XKR7: variants seen among roughly 807,000 people sequenced by gnomAD.
The protein encoded by XKR7 is XK related 7.
XKR7 carries 11 observed loss-of-function variants against 42.2 expected under a neutral mutation model. The ratio of observed to expected loss-of-function variants is 0.26; its 90% CI spans 0.16 to 0.43. XKR7 has a LOEUF of 0.43. Among genes scored for constraint, XKR7 ranks in the 20% least tolerant of loss-of-function variants. The pLI is 1.00. For synonymous variants in XKR7, 346 were observed against 366.4 expected (o/e 0.94, Z 0.64); for missense variants, 710 against 802.2 (o/e 0.89, Z 1.39).
intron 1 of XKR7, among the ~76,000 whole-genome samples, chr20:31,971,109 G>A (rs2064463359): frequency 6.6e-6 from 1 of 152,224 alleles, no homozygotes; most frequent in Non-Finnish European, 1.5e-5. Flanking sequence ...CAGTATGATA[G>A]AAAGTCAGGG....
rs542151076 is a variant in XKR7 at position 31,968,384 on chromosome 20, A to G, written c.209A>G (p.Asp70Gly). 5.6e-6 allele frequency: 9 copies of G among 1,613,068 alleles called. No individual in the cohort carries two copies. In the South Asian group the frequency reaches 8.8e-5, roughly 16 times the overall value. The change falls in exon 1 of 3, where the codon GAC becomes GGC. Residue 70 changes from aspartate (D) to glycine (G), a missense_variant. Physicochemically the swap from Asp to Gly is moderately conservative, Grantham distance 94 (BLOSUM62 -1). Around this residue, in one of 2 missense-constraint regions of XKR7, gnomAD observed 708 missense variants for 786.2 expected, o/e 0.90. Transcript: ENST00000562532. The surrounding 1 kb of genome is among the most constrained non-coding windows in gnomAD (Gnocchi z 4.5). ...TGCGCGCTGCTCGTGTTCTTCTCCG[A>G]CGGTGCCACGGACCTGTGGCTGGCG... ...VLCALLVFFS[D>G]GATDLWLAAS...
At chr20:31,989,666 T>C (rs2122273497) in intron 1 of XKR7, among the ~76,000 whole-genome samples, 1 of 152,134 alleles carries the variant, frequency 6.6e-6, no homozygotes, top group African/African-American at 2.4e-5. Context: ...CAGGCTGGAG[T>C]GCAGTGGTGC....
rs1275014376 is a variant in XKR7 at position 31,999,756 on chromosome 20, A to AC, written c.*2302dup. On this transcript the variant is annotated 3_prime_UTR_variant, in exon 3 of 3. Coordinates refer to ENST00000562532, the MANE Select transcript of XKR7 (RefSeq NM_001011718.2). The stretch of plus-strand genomic sequence containing the variant: ...CGTCCCTGCAAGAGAGGTATTATCA[A>AC]CCCATCTTACAGACGAGGAAACTGA... The AC allele has an allele frequency of 4.0e-5, 6 of 151,886 alleles. No individual in the cohort carries two copies. The highest frequency in any genetic ancestry group is 1.5e-4 in the African/African-American group (6 of 41,344). The allele number at this position is 151,886 out of a possible 1,614,324, so 9.4% of individuals were successfully genotyped here.
At chr20:31,984,327 G>C (rs564219883) in intron 1 of XKR7, among the ~76,000 whole-genome samples, 1 of 152,182 alleles carries the variant, frequency 6.6e-6, no homozygotes, top group South Asian at 2.1e-4. Flanking sequence ...TCCCCCTGCT[G>C]TTGTGTGAAG....
At chr20:31,974,693 C>T (rs1269384514) in intron 1 of XKR7, among the ~76,000 whole-genome samples, 1 of 152,100 alleles carries the variant, frequency 6.6e-6, no homozygotes, top group Non-Finnish European at 1.5e-5. Context: ...GTTTTATAGC[C>T]CTGTCTCCAT....
In XKR7 at chr20:31,995,020, C is replaced by A. The variant is rs767383373; in HGVS notation, c.585-48C>A. On this transcript the variant is annotated intron_variant, in intron 1 of 2. Coordinates refer to ENST00000562532, the MANE Select transcript of XKR7 (RefSeq NM_001011718.2). This position sits in a 1 kb window ranked among gnomAD's most constrained non-coding sequence, Gnocchi z 4.1. The stretch of plus-strand genomic sequence containing the variant: ...GCGGCTCGGGGCTGGTGCGACAGAG[C>A]GAGAGGAACCAGCGCGCGGGAGCCT... The A allele has an allele frequency of 9.8e-5, 150 of 1,537,436 alleles. 1 individual carries two copies. Among genetic ancestry groups the A allele is most frequent in the Admixed American group, 9.0e-4 (45 of 50,104 alleles).
intron 1 of XKR7, among the ~76,000 whole-genome samples, chr20:31,974,211 AAG>A (rs1322762319): frequency 2.0e-5 from 3 of 152,022 alleles, no homozygotes; most frequent in South Asian, 2.1e-4. Context: ...AAGCATAAAA[AAG>A]AGAGAGAATA....
At chr20:31,992,454 G>T (rs962872256) in intron 1 of XKR7, among the ~76,000 whole-genome samples, 1 of 152,168 alleles carries the variant, frequency 6.6e-6, no homozygotes, top group African/African-American at 2.4e-5. Flanking sequence ...CCTGGGGAGC[G>T]TGTGAGCAGT....
intron 1 of XKR7, among the ~76,000 whole-genome samples, chr20:31,984,688 G>C (rs922697846): frequency 6.6e-5 from 10 of 152,202 alleles, no homozygotes; most frequent in Non-Finnish European, 2.9e-5. Context: ...AGTGAAACCT[G>C]AGGTCCATTG....
rs2064451425 is a variant in XKR7, at chr20:31,968,982, C to T, written c.584+223C>T. On this transcript the variant is annotated intron_variant, in intron 1 of 2. Transcript: ENST00000562532. This position sits in a 1 kb window ranked among gnomAD's most constrained non-coding sequence, Gnocchi z 4.5. ...GTGCCATCCGGTCTGACCTGGCCTT[C>T]GAGAGGGGAGGGGATGGTTCAAGAA... 6.6e-6 allele frequency among the ~76,000 whole-genome samples: 1 copy of T among 151,998 alleles called. No individual in the cohort carries two copies. The highest frequency in any genetic ancestry group is 1.5e-5 in the Non-Finnish European group (1 of 67,974).
rs761609991 is a variant in XKR7 at position 31,998,086 on chromosome 20, G to C, written c.*629G>C. ...AGATGGATAGGAGAAAGAACTGGGG[G>C]GGGGGTCTAGGCTGGCAGAAGCATG... On this transcript the variant is annotated 3_prime_UTR_variant, in exon 3 of 3. Coordinates refer to ENST00000562532, the MANE Select transcript of XKR7 (RefSeq NM_001011718.2). 7.5e-6 allele frequency: 1 copy of C among 133,850 alleles called. No individual in the cohort carries two copies. The highest frequency in any genetic ancestry group is 1.6e-5 in the Non-Finnish European group (1 of 62,038). 8.3% of individuals were successfully genotyped at this position (133,850 alleles called of 1,614,324 possible). A position where few individuals can be genotyped will look rare whatever the true frequency, so the allele number is the denominator to read the frequency against.
In XKR7 at chr20:31,992,820, T is replaced by C. The variant is rs111369201; in HGVS notation, c.585-2248T>C. Among the ~76,000 whole-genome samples the C allele has an allele frequency of 5.4e-3, 829 of 152,218 alleles. 5 individuals are homozygous for C. Among genetic ancestry groups the C allele is most frequent in the South Asian group, 9.1e-3 (44 of 4,818 alleles). On this transcript the variant is annotated intron_variant, in intron 1 of 2. Coordinates refer to ENST00000562532, the MANE Select transcript of XKR7 (RefSeq NM_001011718.2). Reference sequence around the variant, plus strand: ...AGAGTCATCAAACTCATCCCTTTCATTGGCAGATGGAGAAACTGAGGCTTT... The same window carrying C: ...AGAGTCATCAAACTCATCCCTTTCACTGGCAGATGGAGAAACTGAGGCTTT...
rs540498484 is a variant in XKR7 at position 31,991,956 on chromosome 20, A to G, written c.585-3112A>G. On this transcript the variant is annotated intron_variant, in intron 1 of 2. Coordinates refer to ENST00000562532, the MANE Select transcript of XKR7 (RefSeq NM_001011718.2). Reference sequence around the variant, plus strand: ...AACATGGAGAAACCCCGTCTCTACTAAAAATACAAAATTAGCCAGGCATGA... The same window carrying G: ...AACATGGAGAAACCCCGTCTCTACTGAAAATACAAAATTAGCCAGGCATGA... Among the ~76,000 whole-genome samples the G allele has an allele frequency of 8.3e-4, 127 of 152,208 alleles. 1 individual carries two copies. Among genetic ancestry groups the G allele is most frequent in the Admixed American group, 1.3e-3 (20 of 15,292 alleles).
At chr20:31,974,115 C>A in intron 1 of XKR7, among the ~76,000 whole-genome samples, 1 of 152,118 alleles carries the variant, frequency 6.6e-6, no homozygotes, top group Admixed American at 6.5e-5. Context: ...ATCGCTTGAA[C>A]CTGGCAGGTG....
chr20:31,974,352 G>A (rs2064476659), intron 1 of XKR7, among the ~76,000 whole-genome samples: 1 of 152,122 alleles, frequency 6.6e-6, no homozygotes, highest in South Asian at 2.1e-4. Flanking sequence ...CTGAGCTAAT[G>A]CGACCTCTTT....
chr20:31,996,815 C>T lies in XKR7; in HGVS notation c.1098C>T (p.Ile366=). 6.2e-7 allele frequency: 1 copy of T among 1,613,862 alleles called. No individual in the cohort carries two copies. Among genetic ancestry groups the T allele is most frequent in the Non-Finnish European group, 8.5e-7 (1 of 1,179,978 alleles). ...EEIIYNMVVG[I]IYIFCWFNVK... is the part of the protein sequence containing the mutation. ...TCATCTACAACATGGTCGTGGGCAT[C>T]ATCTACATCTTCTGCTGGTTCAACG... Residue 366 remains isoleucine (I), a synonymous_variant, in exon 3 of 3, where the codon ATC becomes ATT. Coordinates refer to ENST00000562532, the MANE Select transcript of XKR7 (RefSeq NM_001011718.2).
intron 1 of XKR7, among the ~76,000 whole-genome samples, chr20:31,993,997 G>C (rs975422365): frequency 2.0e-5 from 3 of 152,238 alleles, no homozygotes; most frequent in African/African-American, 7.2e-5. Flanking sequence ...CTCTGGCTCT[G>C]TGACCTGTGC....
Position 31,968,394 on chromosome 20 carries a change from G to A in XKR7, c.219G>A (p.Thr73=), listed in dbSNP as rs1568875280. Residue 73 remains threonine, a synonymous_variant, in exon 1 of 3, where the codon ACG becomes ACA. Transcript: ENST00000562532. The surrounding 1 kb of genome is among the most constrained non-coding windows in gnomAD (Gnocchi z 4.5). ...ALLVFFSDGA[T]DLWLAASYYL... is the part of the protein sequence containing the mutation. ...TCGTGTTCTTCTCCGACGGTGCCAC[G>A]GACCTGTGGCTGGCGGCCTCCTACT... The A allele has an allele frequency of 6.2e-7, 1 of 1,613,450 alleles. No homozygotes were observed. The highest frequency in any genetic ancestry group is 8.5e-7 in the Non-Finnish European group (1 of 1,179,760).
At chr20:31,990,354 C>T (rs1299824904) in intron 1 of XKR7, among the ~76,000 whole-genome samples, 2 of 152,086 alleles carry the variant, frequency 1.3e-5, no homozygotes, top group South Asian at 2.1e-4. Context: ...TTAATGCTCA[C>T]AACAAGGAGG....
Sources: allele counts gnomAD v4.1 joint callset (sites outside exome capture counted in the v4.1 genomes callset), GRCh38; gene constraint gnomAD v4.1.1; regional missense constraint gnomAD v4.1.1; non-coding constraint Gnocchi (gnomAD v3.1); transcripts MANE v1.5; gene names NCBI Gene and HGNC (gene_info 2026-07-23, HGNC 2026-07-21).